The following NFIB variants were observed in gnomAD, a reference collection of about 807,000 sequenced individuals.
NFIB encodes the protein nuclear factor 1 B-type.
A neutral mutation model predicts 61.5 loss-of-function variants in NFIB; 11 were observed. The ratio of observed to expected loss-of-function variants is 0.18; its 90% CI spans 0.11 to 0.30. NFIB has a LOEUF of 0.30. NFIB is among the 10% of genes least tolerant of loss of function. The pLI, the probability that NFIB is intolerant of heterozygous loss-of-function variation, is 1.00. For missense variants in NFIB, 471 were observed against 608.9 expected, an observed-to-expected ratio of 0.77 and a Z score of 2.38; for synonymous variants, 260 against 216.5, an observed-to-expected ratio of 1.20 and a Z score of -1.76.
chr9:14,219,004 G>C (rs1417079885), intron 2 of NFIB, among the ~76,000 whole-genome samples: 1 of 152,066 alleles, frequency 6.6e-6, no homozygotes, highest in Admixed American at 6.6e-5. Flanking sequence ...CCATTAAATA[G>C]TTGCCTCATT....
chr9:14,108,470 A>C (rs1260912011), intron 10 of NFIB, among the ~76,000 whole-genome samples: 1 of 152,126 alleles, frequency 6.6e-6, no homozygotes, highest in African/African-American at 2.4e-5. Context: ...TTTCAGTGTA[A>C]TGAGAAGTAC....
At chr9:14,400,672 A>G (rs1853442), upstream of NFIB, among the ~76,000 whole-genome samples, 128,813 of 152,134 alleles carry the variant, frequency 0.85, 54,588 homozygotes, top group East Asian at 0.96. Flanking sequence ...ACCAAGCAGG[A>G]GGCCTCCATC....
intron 3 of NFIB, among the ~76,000 whole-genome samples, chr9:14,167,768 T>C (rs2045054819): frequency 6.6e-6 from 1 of 152,188 alleles, no homozygotes; most frequent in Non-Finnish European, 1.5e-5. Context: ...AGTCAGGTAT[T>C]TTTTTGCAGC....
chr9:14,126,128 C>T (rs952072932), intron 6 of NFIB, among the ~76,000 whole-genome samples: 6 of 152,276 alleles, frequency 3.9e-5, no homozygotes, highest in Admixed American at 1.3e-4. Context: ...GATTGTCTTT[C>T]GACAGAGGAT....
chr9:14,174,366 T>C (rs561185349), intron 3 of NFIB, among the ~76,000 whole-genome samples: 1 of 152,156 alleles, frequency 6.6e-6, no homozygotes, highest in African/African-American at 2.4e-5. Context: ...AAGTTTAAAA[T>C]CACCTTTTAA....
intron 2 of NFIB, among the ~76,000 whole-genome samples, chr9:14,259,685 G>C (rs2056562158): frequency 6.6e-6 from 1 of 152,154 alleles, no homozygotes; most frequent in Non-Finnish European, 1.5e-5. Flanking sequence ...CGGATCACTT[G>C]AGGTCAGGAG....
chr9:14,113,132 G>C (rs1489648871), intron 9 of NFIB, 51 bp from the exon 10 acceptor site: 3 of 1,496,942 alleles, frequency 2.0e-6, no homozygotes, highest in Non-Finnish European at 2.7e-6. Context: ...CTATCAGAAC[G>C]AACACCCTGT....
chr9:14,132,156 C>G (rs1001042232), intron 6 of NFIB, among the ~76,000 whole-genome samples: 3 of 152,142 alleles, frequency 2.0e-5, no homozygotes, highest in Admixed American at 6.6e-5. Flanking sequence ...CAAACCATAT[C>G]ACTAAATTAA....
At chr9:14,163,039 C>G (rs1228120429) in intron 3 of NFIB, among the ~76,000 whole-genome samples, 2 of 152,040 alleles carry the variant, frequency 1.3e-5, no homozygotes, top group South Asian at 2.1e-4. Context: ...AGCTGTCTAA[C>G]TCTTCTACAC....
At chr9:14,190,384 T>C (rs2047816402) in intron 2 of NFIB, among the ~76,000 whole-genome samples, 2 of 152,202 alleles carry the variant, frequency 1.3e-5, no homozygotes, top group Admixed American at 6.5e-5. Context: ...GGGTATTCAT[T>C]ACTGCTTCTG....
chr9:14,395,830 C>T (rs2061678968), intron 1 of NFIB, among the ~76,000 whole-genome samples: 1 of 134,786 alleles, frequency 7.4e-6, no homozygotes, highest in African/African-American at 2.7e-5. Flanking sequence ...GGTGTCCCAT[C>T]TGTTCCTGCA....
intron 10 of NFIB, among the ~76,000 whole-genome samples, chr9:14,101,645 T>G (rs1175642401): frequency 1.3e-5 from 2 of 152,250 alleles, no homozygotes; most frequent in East Asian, 1.9e-4. Flanking sequence ...ATGAATCTAA[T>G]TATTTAATTT....
chr9:14,269,686 C>T (rs937890854), intron 2 of NFIB, among the ~76,000 whole-genome samples: 2 of 152,166 alleles, frequency 1.3e-5, no homozygotes, highest in African/African-American at 2.4e-5. Context: ...ATCAGTTCTA[C>T]AATTGGTGGC....
chr9:14,336,045 C>T (rs1226205439), intron 1 of NFIB, among the ~76,000 whole-genome samples: 1 of 152,166 alleles, frequency 6.6e-6, no homozygotes, highest in African/African-American at 2.4e-5. Flanking sequence ...TTATCCATGT[C>T]AATTCCACAC....
chr9:14,433,050 C>T, the NFIB span, among the ~76,000 whole-genome samples: 1 of 152,002 alleles, frequency 6.6e-6, no homozygotes, highest in Non-Finnish European at 1.5e-5. Context: ...GGGTTAGGGG[C>T]ATTAAAAAAC....
At chr9:14,522,790 G>C in the NFIB span, among the ~76,000 whole-genome samples, 1 of 152,174 alleles carries the variant, frequency 6.6e-6, no homozygotes, top group Non-Finnish European at 1.5e-5. Context: ...TTAGCTGTCA[G>C]CATCAGCATT....
intron 2 of NFIB, among the ~76,000 whole-genome samples, chr9:14,289,110 G>A (rs10961462): frequency 8.5e-6 from 1 of 117,124 alleles, no homozygotes; most frequent in Non-Finnish European, 1.9e-5. Flanking sequence ...GTGTGTATGT[G>A]TGTGTGTATA....
chr9:14,286,692 C>A (rs1182542020), intron 2 of NFIB, among the ~76,000 whole-genome samples: 1 of 152,162 alleles, frequency 6.6e-6, no homozygotes, highest in Non-Finnish European at 1.5e-5. Flanking sequence ...ACTATAAAAT[C>A]TGTAAAATGT....
At chr9:14,403,213 T>A (rs2061759018), upstream of NFIB, among the ~76,000 whole-genome samples, 1 of 152,224 alleles carries the variant, frequency 6.6e-6, no homozygotes, top group Non-Finnish European at 1.5e-5. Context: ...TCTACGGCTA[T>A]GAAACGATGT....
Sources: allele counts gnomAD v4.1 joint callset (sites outside exome capture counted in the v4.1 genomes callset), GRCh38; gene constraint gnomAD v4.1.1; transcripts MANE v1.5; gene names NCBI Gene and HGNC (gene_info 2026-07-23, HGNC 2026-07-21).